Variants in MMP2 observed in about 807,000 individuals in gnomAD.
The protein encoded by MMP2 is matrix metallopeptidase 2.
MMP2 carries 39 observed loss-of-function variants against 74.8 expected under a neutral mutation model. That is an observed-to-expected ratio of 0.52 (90% confidence interval 0.40 to 0.68). MMP2 has a LOEUF of 0.68. MMP2 is among the 30% of genes least tolerant of loss of function. The probability of loss-of-function intolerance (pLI) is 0.00; values close to 1 mark genes in which losing one functional copy is unlikely to be tolerated. For synonymous variants in MMP2, 367 were observed against 339.8 expected, an observed-to-expected ratio of 1.08 and a Z score of -0.88; for missense variants, 803 against 878.3, an observed-to-expected ratio of 0.91 and a Z score of 1.08.
At chr16:55,501,877 C>A (rs1484647474) in intron 11 of MMP2, among the ~76,000 whole-genome samples, 3 of 152,056 alleles carry the variant, frequency 2.0e-5, no homozygotes, top group African/African-American at 7.2e-5. Context: ...ACTAGGATAT[C>A]CATAGCTCCC....
chr16:55,488,823 G>T, intron 6 of MMP2, 107 bp downstream of exon 6: 1 of 1,201,516 alleles, frequency 8.3e-7, no homozygotes, highest in Admixed American at 2.0e-5. Flanking sequence ...AGACAGGGGT[G>T]CTAAGACATC....
At chr16:55,486,336 T>TGTGTGTGC (rs1250119054) in intron 5 of MMP2, among the ~76,000 whole-genome samples, 57 of 134,456 alleles carry the variant, frequency 4.2e-4, no homozygotes, top group African/African-American at 1.4e-3. Flanking sequence ...TGTGTGTGTG[T>TGTGTGTGC]GTGTGTGTGC....
intron 10 of MMP2, 99 bp from the exon 11 acceptor site, chr16:55,498,190 A>G: frequency 6.8e-7 from 1 of 1,477,294 alleles, no homozygotes; most frequent in Non-Finnish European, 9.4e-7. Flanking sequence ...TCTGTTGGGA[A>G]TGGCTGCAGT....
rs1171666077 is a variant in MMP2 at position 55,499,012 on chromosome 16, C to CA, written c.1769+571dup. Among the ~76,000 whole-genome samples the CA allele has an allele frequency of 2.6e-5, 4 of 151,712 alleles. No individual in the cohort carries two copies. In the East Asian group the frequency reaches 5.8e-4, roughly 22 times the overall value. On this transcript the variant is annotated intron_variant, in intron 11 of 12. Coordinates refer to ENST00000219070, the MANE Select transcript of MMP2 (RefSeq NM_004530.6). ...TGAAACCCCATCTCTACTAAAAATG[C>CA]AAAAAAATTAGCTGGACATGGTGGT...
intron 11 of MMP2, among the ~76,000 whole-genome samples, chr16:55,500,022 A>C (rs1962626269): frequency 1.4e-5 from 2 of 142,686 alleles, no homozygotes; most frequent in African/African-American, 2.6e-5. Flanking sequence ...CCTCCCCACT[A>C]CTCTGCCCCC....
In MMP2 at chr16:55,479,440, A is replaced by G; in HGVS notation, c.-40A>G. On this transcript the variant is annotated 5_prime_UTR_variant, in exon 1 of 13. Coordinates refer to ENST00000219070, the MANE Select transcript of MMP2 (RefSeq NM_004530.6). ...GCGAGGCGGCCACACGCACCGAGCC[A>G]GCGACCCCCGGGCGACGCGCGGGGC... The G allele has an allele frequency of 6.9e-7, 1 of 1,445,230 alleles. No homozygotes were observed. The highest frequency in any genetic ancestry group is 1.5e-5 in the South Asian group (1 of 68,532). 89.5% of individuals were successfully genotyped at this position (1,445,230 alleles called of 1,614,324 possible).
At chr16:55,483,352 G>A (rs1962156971) in intron 2 of MMP2, among the ~76,000 whole-genome samples, 1 of 152,218 alleles carries the variant, frequency 6.6e-6, no homozygotes, top group African/African-American at 2.4e-5. Context: ...TTTCAGTGCT[G>A]TGAATGTTGG....
chr16:55,479,982 G>GGC (rs1259813110), intron 1 of MMP2: 3 of 289,218 alleles, frequency 1.0e-5, no homozygotes, highest in East Asian at 9.5e-5. Flanking sequence ...ATTTGGCGGG[G>GGC]GGGGGGGGCG....
At chr16:55,489,275 G>A (rs1962340551) in intron 6 of MMP2, among the ~76,000 whole-genome samples, 1 of 152,208 alleles carries the variant, frequency 6.6e-6, no homozygotes, top group Non-Finnish European at 1.5e-5. Flanking sequence ...CACAGCTGAG[G>A]GGCATGTGCT....
intron 2 of MMP2, 112 bp downstream of exon 2, chr16:55,483,247 T>G: frequency 1.2e-6 from 1 of 816,116 alleles, no homozygotes; most frequent in South Asian, 1.7e-5. Context: ...TTGTGAAGGC[T>G]TGACATCTTA....
intron 1 of MMP2, 115 bp downstream of exon 1, chr16:55,479,747 T>A (rs1193561240): frequency 7.4e-7 from 1 of 1,347,912 alleles, no homozygotes; most frequent in African/African-American, 1.4e-5. Context: ...GGGAGGGGCT[T>A]CGGTAAACAG....
chr16:55,481,571 C>T (rs1305463103), intron 1 of MMP2: 3 of 368,888 alleles, frequency 8.1e-6, no homozygotes, highest in African/African-American at 6.2e-5. Flanking sequence ...CATGCCTGCC[C>T]TCCTGGGAAT....
chr16:55,489,681 G>A lies in MMP2; in HGVS notation c.1037G>A (p.Gly346Asp). 3.7e-6 allele frequency: 6 copies of A among 1,614,140 alleles called. No homozygotes were observed. The highest frequency in any genetic ancestry group is 1.3e-5 in the African/African-American group (1 of 75,034). Residue 346 changes from glycine (G) to aspartate (D), a missense_variant, in exon 7 of 13, where the codon GGT becomes GAT. Physicochemically the swap from Gly to Asp is moderately conservative, Grantham distance 94. Transcript: ENST00000219070. ...TCCACTGTTGGTGGGAACTCAGAAG[G>A]TGCCCCCTGTGTCTTCCCCTTCACT... is the stretch of plus-strand genomic sequence containing the variant. ...AMSTVGGNSE[G>D]APCVFPFTFL...
At position 55,505,492 on chromosome 16, in the gene MMP2, C is replaced by A; in HGVS notation, c.*50C>A. On this transcript the variant is annotated 3_prime_UTR_variant, in exon 13 of 13. Transcript: ENST00000219070. ...TTCCTCTCCACTGCCTTCGATACAC[C>A]GGGCCTGGAGAACTAGAGAAGGACC... The A allele has an allele frequency of 6.6e-7, 1 of 1,525,304 alleles. No homozygotes were observed. The highest frequency in any genetic ancestry group is 9.1e-7 in the Non-Finnish European group (1 of 1,099,800). The allele number at this position is 1,525,304 out of a possible 1,614,324, so 94.5% of individuals were successfully genotyped here.
At chr16:55,479,980 G>T in intron 1 of MMP2, 1 of 14,422 alleles carries the variant, frequency 6.9e-5, no homozygotes, top group Non-Finnish European at 1.7e-4. Context: ...ACATTTGGCG[G>T]GGGGGGGGGG....
At chr16:55,491,498 TAG>T (rs1962404211) in intron 7 of MMP2, among the ~76,000 whole-genome samples, 1 of 152,146 alleles carries the variant, frequency 6.6e-6, no homozygotes, top group Non-Finnish European at 1.5e-5. Context: ...GGGTTTTAAG[TAG>T]AAAATTCGCA....
rs886052128 is a variant in MMP2 at position 55,505,983 on chromosome 16, GT to G, written c.*551del. On this transcript the variant is annotated 3_prime_UTR_variant, in exon 13 of 13. Coordinates refer to ENST00000219070, the MANE Select transcript of MMP2 (RefSeq NM_004530.6). ...CACTTTGTTTTTTTCTTTGGGTCTT[GT>G]TTTTTTTTTCCACTTAGAAATTGCA... 720 of 159,116 alleles carry G rather than the reference GT, an allele frequency of 4.5e-3. 5 individuals are homozygous for G. The highest frequency in any genetic ancestry group is 0.016 in the African/African-American group (653 of 41,092). The allele number at this position is 159,116 out of a possible 1,614,324, so 9.9% of individuals were successfully genotyped here.
chr16:55,503,853 G>C (rs569436024), intron 12 of MMP2, among the ~76,000 whole-genome samples: 8 of 152,072 alleles, frequency 5.3e-5, no homozygotes, highest in Non-Finnish European at 1.0e-4. Flanking sequence ...AATTATTGGC[G>C]GGCAAGATTA....
chr16:55,488,012 C>A (rs1962301866), intron 5 of MMP2: 1 of 199,792 alleles, frequency 5.0e-6, no homozygotes. Flanking sequence ...ACAGACTAAG[C>A]AAGAGAGATT....
Sources: allele counts gnomAD v4.1 joint callset (sites outside exome capture counted in the v4.1 genomes callset), GRCh38; gene constraint gnomAD v4.1.1; transcripts MANE v1.5; gene names NCBI Gene and HGNC (gene_info 2026-07-23, HGNC 2026-07-21).